Variants in GPAM observed in about 807,000 individuals in gnomAD.
GPAM encodes glycerol-3-phosphate acyltransferase 1, mitochondrial.
A neutral mutation model predicts 105.0 loss-of-function variants in GPAM; 56 were observed. The ratio of observed to expected loss-of-function variants is 0.53; its 90% CI spans 0.43 to 0.67. The LOEUF (loss-of-function observed/expected upper bound fraction) is 0.67, where lower values mean the gene tolerates loss of function less well. Among genes scored for constraint, GPAM ranks in the 30% least tolerant of loss-of-function variants. The pLI, the probability that GPAM is intolerant of heterozygous loss-of-function variation, is 0.00. For missense variants in GPAM, 855 were observed against 989.8 expected, an observed-to-expected ratio of 0.86 and a Z score of 1.83; for synonymous variants, 368 against 354.4, an observed-to-expected ratio of 1.04 and a Z score of -0.43.
chr10:112,168,047 C>T (rs181418008), intron 11 of GPAM, among the ~76,000 whole-genome samples: 1 of 152,268 alleles, frequency 6.6e-6, no homozygotes, highest in East Asian at 1.9e-4. Flanking sequence ...CTCCCACTTC[C>T]CAATCCCATG....
At chr10:112,224,794 A>G in the GPAM span, among the ~76,000 whole-genome samples, 1 of 152,076 alleles carries the variant, frequency 6.6e-6, no homozygotes, top group African/African-American at 2.4e-5. Context: ...AATCTTTGCC[A>G]TTTGGAAGTC....
Position 112,173,064 on chromosome 10 carries a change from A to C in GPAM, c.563T>G (p.Leu188Arg). ...VATVSPAMIR[L>R]TGWVLLKLFN... ...CAGTTTTAGCAGCACCCACCCAGTC[A>C]GTCTGAAACAAAGTACAAACAAAAA... Residue 188 changes from leucine (L) to arginine (R), a missense_variant and splice_region_variant, in exon 8 of 22, where the codon CTG (leucine) becomes CGG (arginine). Coordinates refer to ENST00000348367, the MANE Select transcript of GPAM (RefSeq NM_001244949.2). 2 of 1,572,166 alleles carry C rather than the reference A, an allele frequency of 1.3e-6. No individual in the cohort carries two copies. The highest frequency in any genetic ancestry group is 1.8e-6 in the Non-Finnish European group (2 of 1,141,804).
In GPAM at chr10:112,153,205, A is replaced by C. The variant is rs77150189; in HGVS notation, c.*345T>G. ...AGATTCAGTTCCAGAACACAGCTAC[A>C]TTTCTGTGTCCATCACAGTAATTAG... On this transcript the variant is annotated 3_prime_UTR_variant, in exon 22 of 22. Coordinates refer to ENST00000348367, the MANE Select transcript of GPAM (RefSeq NM_001244949.2). The C allele has an allele frequency of 3.3e-3, 3,752 of 1,134,946 alleles. 108 individuals carry two copies. In the African/African-American group the frequency reaches 0.055, roughly 17 times the overall value. The allele number at this position is 1,134,946 out of a possible 1,614,324, so 70.3% of individuals were successfully genotyped here.
chr10:112,158,240 T>C, intron 18 of GPAM, 76 bp downstream of exon 18: 1 of 981,084 alleles, frequency 1.0e-6, no homozygotes, highest in African/African-American at 1.6e-5. Flanking sequence ...CAATTATTGG[T>C]TTAAATAAGT....
intron 1 of GPAM, among the ~76,000 whole-genome samples, chr10:112,188,848 A>C (rs956503011): frequency 6.6e-6 from 1 of 152,194 alleles, no homozygotes; most frequent in African/African-American, 2.4e-5. Context: ...AGAGTAATTA[A>C]ATAAATTGCC....
rs150849657 is a variant in GPAM, at chr10:112,180,578, T to C, written c.120A>G (p.Arg40=). 142 of 1,610,484 alleles carry C rather than the reference T, an allele frequency of 8.8e-5. 3 individuals are homozygous for C. In the African/African-American group the frequency reaches 1.7e-3, roughly 20 times the overall value. Residue 40 remains arginine, a synonymous_variant, in exon 4 of 22, where the codon AGA becomes AGG. Transcript: ENST00000348367. ...AAGTTGCAGATCTGAAGATGGTGGG[T>C]CTAAAGCCACACTCACCCTGACAAA... ...TSEEWGECGF[R]PTIFRSATLK...
intron 21 of GPAM, chr10:112,153,871 T>G (rs79304665): frequency 0.04 from 1,807 of 44,690 alleles, 26 homozygotes; most frequent in African/African-American, 0.32. Flanking sequence ...CTTTTTCTAT[T>G]TTTTTTTTTT....
chr10:112,210,342 C>A (rs768896799), intron 1 of GPAM, among the ~76,000 whole-genome samples: 3 of 152,218 alleles, frequency 2.0e-5, no homozygotes, highest in Non-Finnish European at 4.4e-5. Flanking sequence ...ACTCCACCAT[C>A]AAACAGGGAG....
chr10:112,198,459 T>C (rs946492960), intron 1 of GPAM, among the ~76,000 whole-genome samples: 2 of 152,210 alleles, frequency 1.3e-5, no homozygotes, highest in African/African-American at 2.4e-5. Context: ...AGTTCGATTA[T>C]CTGATGAAAC....
chr10:112,204,009 C>G (rs1210163116), intron 1 of GPAM, among the ~76,000 whole-genome samples: 1 of 152,182 alleles, frequency 6.6e-6, no homozygotes, highest in Non-Finnish European at 1.5e-5. Context: ...CTATGCCAGG[C>G]TACCAAACAC....
At chr10:112,218,670 A>C (rs1164972752), upstream of GPAM, among the ~76,000 whole-genome samples, 3 of 152,228 alleles carry the variant, frequency 2.0e-5, no homozygotes, top group Non-Finnish European at 4.4e-5. Context: ...GCTCAACTGA[A>C]TATACTTATG....
At chr10:112,178,657 G>A (rs1330968771) in intron 4 of GPAM, among the ~76,000 whole-genome samples, 1 of 152,158 alleles carries the variant, frequency 6.6e-6, no homozygotes, top group East Asian at 1.9e-4. Flanking sequence ...CCTGAAAGAA[G>A]TGAAGCTACA....
rs1847164288 is a variant in GPAM, at chr10:112,163,689, T to G, written c.1423+12A>C. The stretch of plus-strand genomic sequence containing the variant: ...TAAATTGTAGAATTAAAGAGTCTGG[T>G]ATTCTACTTACTGAATAGAATATGC... On this transcript the variant is annotated intron_variant, in intron 14 of 21. Coordinates refer to ENST00000348367, the MANE Select transcript of GPAM (RefSeq NM_001244949.2). 3 of 1,114,624 alleles carry G rather than the reference T, an allele frequency of 2.7e-6. No homozygotes were observed. In the South Asian group the frequency reaches 3.7e-5, roughly 14 times the overall value. 69.0% of individuals were successfully genotyped at this position (1,114,624 alleles called of 1,614,324 possible).
chr10:112,198,718 T>G (rs1847754922), intron 1 of GPAM, among the ~76,000 whole-genome samples: 1 of 152,224 alleles, frequency 6.6e-6, no homozygotes, highest in Admixed American at 6.5e-5. Flanking sequence ...GAGAGATTTG[T>G]ACTCCCATGT....
At chr10:112,191,350 T>C (rs1399369862) in intron 1 of GPAM, among the ~76,000 whole-genome samples, 1 of 152,032 alleles carries the variant, frequency 6.6e-6, no homozygotes, top group Non-Finnish European at 1.5e-5. Flanking sequence ...AAGGTTCAAC[T>C]CCCCAGGAAG....
chr10:112,160,553 C>T (rs188833531), intron 16 of GPAM, 51 bp downstream of exon 16: 313 of 1,524,882 alleles, frequency 2.1e-4, no homozygotes, highest in Non-Finnish European at 2.6e-4. Flanking sequence ...GTGTTTTAGG[C>T]CTTTTTATTT....
chr10:112,159,533 T>C (rs1381216127), intron 17 of GPAM, among the ~76,000 whole-genome samples: 1 of 152,154 alleles, frequency 6.6e-6, no homozygotes, highest in African/African-American at 2.4e-5. Flanking sequence ...GAGCAGATGA[T>C]TTTTAAGGCT....
upstream of GPAM, among the ~76,000 whole-genome samples, chr10:112,183,969 T>C (rs1370353939): frequency 6.6e-6 from 1 of 152,214 alleles, no homozygotes; most frequent in East Asian, 1.9e-4. Flanking sequence ...GCCATGCGTG[T>C]GTGAGTGTGT....
chr10:112,186,608 G>A (rs182510821), upstream of GPAM, among the ~76,000 whole-genome samples: 46 of 152,050 alleles, frequency 3.0e-4, no homozygotes, highest in South Asian at 1.5e-3. Flanking sequence ...GTGCAGTGGC[G>A]TGATCTCAGC....
Sources: gnomAD v4.1 joint callset for allele counts (sites outside exome capture counted in the v4.1 genomes callset) on GRCh38, gnomAD v4.1.1 for gene constraint, MANE v1.5 for transcripts, NCBI Gene and HGNC (gene_info 2026-07-23, HGNC 2026-07-21) for gene names.